The following CEP57L1 variants were observed in gnomAD, a reference collection of about 807,000 sequenced individuals.
The protein encoded by CEP57L1 is centrosomal protein CEP57L1.
Under a neutral mutation model 61.0 loss-of-function variants are expected in CEP57L1, and 37 were observed. The ratio of observed to expected loss-of-function variants is 0.61; its 90% confidence interval spans 0.47 to 0.80. CEP57L1 has a LOEUF of 0.80. Among genes scored for constraint, CEP57L1 ranks in the 30% least tolerant of loss-of-function variants. The pLI is 0.00. For missense variants in CEP57L1, 422 were observed against 524.7 expected, an observed-to-expected ratio of 0.80 and a Z score of 1.91; for synonymous variants, 137 against 162.3, an observed-to-expected ratio of 0.84 and a Z score of 1.19.
At chr6:109,139,146 C>T (rs950187943) in intron 1 of CEP57L1, among the ~76,000 whole-genome samples, 1 of 152,090 alleles carries the variant, frequency 6.6e-6, no homozygotes, top group Non-Finnish European at 1.5e-5. Context: ...AAGGTGGCCA[C>T]CAAACAACTA....
chr6:109,120,226 G>A (rs1716220297), intron 1 of CEP57L1, among the ~76,000 whole-genome samples: 1 of 152,084 alleles, frequency 6.6e-6, no homozygotes, highest in African/African-American at 2.4e-5. Context: ...TAACCACTAT[G>A]CTATACTTCA....
intron 3 of CEP57L1, among the ~76,000 whole-genome samples, chr6:109,149,222 A>C (rs1403050072): frequency 1.3e-5 from 2 of 152,166 alleles, no homozygotes; most frequent in Non-Finnish European, 2.9e-5. Context: ...GGTAATGCCT[A>C]GGTTTTCTTC....
In CEP57L1 at chr6:109,168,610, T is replaced by G. The variant is rs979672830; in HGVS notation, c.*5640T>G. On this transcript the variant is annotated 3_prime_UTR_variant, in exon 11 of 11. Transcript: ENST00000517392. ...CCAGCATTTTTTTTTTTTTTTTTTT[T>G]TTGAGATTGGAGTCTCGCTCCTTCA... Among the ~76,000 whole-genome samples, 1 of 150,168 alleles carries G rather than the reference T, an allele frequency of 6.7e-6. No individual in the cohort carries two copies. Among genetic ancestry groups the G allele is most frequent in the Non-Finnish European group, 1.5e-5 (1 of 67,646 alleles).
intron 1 of CEP57L1, among the ~76,000 whole-genome samples, chr6:109,117,267 G>A (rs1244119691): frequency 2.0e-5 from 3 of 152,180 alleles, no homozygotes; most frequent in Admixed American, 2.0e-4. Flanking sequence ...AGGTACACAA[G>A]AGAATATTAC....
At chr6:109,100,055 G>A (rs1782193463) in intron 1 of CEP57L1, 1 of 152,150 alleles carries the variant, frequency 6.6e-6, no homozygotes, top group South Asian at 2.1e-4. Context: ...ACCTTGAGTT[G>A]CTCTTATGTT....
At chr6:109,111,023 C>T (rs759235335) in intron 1 of CEP57L1, among the ~76,000 whole-genome samples, 1 of 152,032 alleles carries the variant, frequency 6.6e-6, no homozygotes, top group Non-Finnish European at 1.5e-5. Flanking sequence ...TTTTTTGGTT[C>T]CATTTGAAAT....
At chr6:109,099,856 T>C (rs1782168083) in intron 1 of CEP57L1, among the ~76,000 whole-genome samples, 1 of 152,200 alleles carries the variant, frequency 6.6e-6, no homozygotes, top group Non-Finnish European at 1.5e-5. Context: ...CAATGGGTAC[T>C]TTTATTTAGT....
intron 1 of CEP57L1, among the ~76,000 whole-genome samples, chr6:109,131,239 A>G (rs960424532): frequency 1.3e-5 from 2 of 152,180 alleles, no homozygotes; most frequent in Non-Finnish European, 2.9e-5. Context: ...GATGGTTACT[A>G]TAGTATTCCT....
intron 1 of CEP57L1, among the ~76,000 whole-genome samples, chr6:109,098,582 G>A (rs1200872467): frequency 2.6e-5 from 4 of 152,034 alleles, no homozygotes; most frequent in South Asian, 2.1e-4. Context: ...CTACAGGCAC[G>A]TGCCAACAAG....
At chr6:109,096,346 G>C (rs1341836846) in intron 1 of CEP57L1, among the ~76,000 whole-genome samples, 2 of 152,174 alleles carry the variant, frequency 1.3e-5, no homozygotes, top group South Asian at 2.1e-4. Flanking sequence ...CTAGTTGTTA[G>C]ACATACGGTT....
At chr6:109,142,594 TAAAGA>T (rs1771504196) in intron 1 of CEP57L1, among the ~76,000 whole-genome samples, 1 of 138,790 alleles carries the variant, frequency 7.2e-6, no homozygotes. Flanking sequence ...TTAGAATAAA[TAAAGA>T]AAAAATAAAT....
At chr6:109,136,199 A>G (rs1770654204) in intron 1 of CEP57L1, among the ~76,000 whole-genome samples, 1 of 152,266 alleles carries the variant, frequency 6.6e-6, no homozygotes, top group Admixed American at 6.5e-5. Context: ...GATTAAGAAA[A>G]TGTGGCACAT....
rs1771991974 is a variant in CEP57L1, at chr6:109,146,653, TC to T, written c.161-104del. The T allele has an allele frequency of 2.4e-5, 17 of 713,144 alleles. No individual in the cohort carries two copies. The South Asian group carries it at 3.8e-4, about 16-fold the overall frequency. The allele number at this position is 713,144 out of a possible 1,614,324, so 44.2% of individuals were successfully genotyped here. A position where few individuals can be genotyped will look rare whatever the true frequency, so the allele number is the denominator to read the frequency against. ...AGAATATGCATTACTTGTACATTTT[TC>T]TGGCTCAGTAACAAAAATATACTGC... On this transcript the variant is annotated intron_variant, in intron 2 of 10. Coordinates refer to ENST00000517392, the MANE Select transcript of CEP57L1 (RefSeq NM_001271852.3).
chr6:109,160,218 AC>A (rs1369696514), intron 9 of CEP57L1, among the ~76,000 whole-genome samples: 1 of 152,212 alleles, frequency 6.6e-6, no homozygotes, highest in African/African-American at 2.4e-5. Flanking sequence ...AGATACTTCT[AC>A]AACTGGAATT....
intron 1 of CEP57L1, among the ~76,000 whole-genome samples, chr6:109,123,602 T>C (rs184397097): frequency 6.6e-6 from 1 of 152,360 alleles, no homozygotes; most frequent in African/African-American, 2.4e-5. Flanking sequence ...TAATGTTTTA[T>C]ACCACCTCCA....
chr6:109,108,001 T>C (rs918718733), intron 1 of CEP57L1, among the ~76,000 whole-genome samples: 1 of 152,084 alleles, frequency 6.6e-6, no homozygotes. Context: ...TTAATAGAAT[T>C]TTAGAAATGT....
In CEP57L1 at chr6:109,103,363, A is replaced by G. The variant is rs78508392; in HGVS notation, c.-4+7788A>G. On this transcript the variant is annotated intron_variant, in intron 1 of 10. Coordinates refer to ENST00000517392, the MANE Select transcript of CEP57L1 (RefSeq NM_001271852.3). Reference sequence around the variant, plus strand: ...GTGTGGGGTATATGTGTATTGCCCAAATGAATCATAAAGGCTCTTAATTTG... The same window carrying G: ...GTGTGGGGTATATGTGTATTGCCCAGATGAATCATAAAGGCTCTTAATTTG... 2.7e-3 allele frequency among the ~76,000 whole-genome samples: 410 copies of G among 152,256 alleles called. 5 individuals are homozygous for G. The highest frequency in any genetic ancestry group is 9.1e-3 in the African/African-American group (380 of 41,556).
chr6:109,132,290 G>T (rs538960480), intron 1 of CEP57L1, among the ~76,000 whole-genome samples: 33 of 152,250 alleles, frequency 2.2e-4, no homozygotes, highest in African/African-American at 7.7e-4. Flanking sequence ...CTAAATGTAT[G>T]AATAAGACCA....
intron 1 of CEP57L1, among the ~76,000 whole-genome samples, chr6:109,102,932 T>A (rs1330117537): frequency 1.3e-5 from 2 of 152,208 alleles, no homozygotes; most frequent in Admixed American, 1.3e-4. Context: ...TTATCTGTTG[T>A]CAGCATGTGC....
Sources: allele counts gnomAD v4.1 joint callset (sites outside exome capture counted in the v4.1 genomes callset), GRCh38; gene constraint gnomAD v4.1.1; transcripts MANE v1.5; gene names NCBI Gene and HGNC (gene_info 2026-07-23, HGNC 2026-07-21).